The following TAF1 variants were observed in gnomAD, a reference collection of about 807,000 sequenced individuals.
TAF1 encodes the protein transcription initiation factor TFIID subunit 1.
TAF1 carries 2 observed loss-of-function variants against 138.5 expected under a neutral mutation model. The ratio of observed to expected loss-of-function variants is 0.01; its 90% CI spans 0.01 to 0.05. The LOEUF (loss-of-function observed/expected upper bound fraction) is 0.05. Among genes scored for constraint, TAF1 ranks in the 10% least tolerant of loss-of-function variants. The probability of loss-of-function intolerance (pLI) is 1.00; values close to 1 mark genes in which losing one functional copy is unlikely to be tolerated. For synonymous variants in TAF1, 437 were observed against 503.2 expected, an observed-to-expected ratio of 0.87 and a Z score of 1.76; for missense variants, 709 against 1,478.0, an observed-to-expected ratio of 0.48 and a Z score of 8.53.
intron 25 of TAF1, 81 bp from the exon 26 acceptor site, chrX:71,406,556 CT>C (rs766377943): frequency 3.2e-5 from 32 of 1,010,743 alleles, no homozygotes; most frequent in Admixed American, 3.1e-5. Context: ...GTACCTTGGA[CT>C]TTTTTTTAAT....
At chrX:71,405,626 C>T (rs1251209623) in intron 25 of TAF1, among the ~76,000 whole-genome samples, 1 of 112,762 alleles carries the variant, frequency 8.9e-6, no homozygotes, top group Non-Finnish European at 1.9e-5. Flanking sequence ...GCTGAAATTA[C>T]AGGCGTGAGC....
At chrX:71,427,871 A>G (rs754945726) in intron 32 of TAF1, among the ~76,000 whole-genome samples, 4 of 101,868 alleles carry the variant, frequency 3.9e-5, no homozygotes, top group Admixed American at 1.1e-4. Context: ...CCTGGGAGGT[A>G]GAGGTTGCGG....
Position 71,367,532 on chromosome X carries a change from T to C in TAF1, c.154T>C (p.Leu52=), listed in dbSNP as rs766143034. ...GAAGCACTTGGCAGGCTTGGGGGCT[T>C]TGGGGCTGGGCAGCCTGATCACTGA... ...CKKHLAGLGA[L]GLGSLITELT... is the part of the protein sequence containing the mutation. Residue 52 remains leucine (L), a synonymous_variant, in exon 2 of 38, where the codon TTG becomes CTG. Transcript: ENST00000423759. 1 of 1,209,568 alleles carries C rather than the reference T, an allele frequency of 8.3e-7. No individual in the cohort carries two copies. The highest frequency in any genetic ancestry group is 1.1e-6 in the Non-Finnish European group (1 of 895,167).
intron 28 of TAF1, among the ~76,000 whole-genome samples, chrX:71,409,380 C>T (rs1017702345): frequency 1.8e-5 from 2 of 110,683 alleles, no homozygotes; most frequent in Admixed American, 9.7e-5. Flanking sequence ...TTGCCCACCT[C>T]GGCCTCCCAA....
intron 25 of TAF1, among the ~76,000 whole-genome samples, chrX:71,402,242 G>A (rs1001009150): frequency 1.8e-5 from 2 of 111,690 alleles, no homozygotes; most frequent in Non-Finnish European, 3.8e-5. Flanking sequence ...CGAGTAGCTG[G>A]GATTACAGGC....
At chrX:71,472,748 A>G (rs1448945141) in intron 13 of TAF1, among the ~76,000 whole-genome samples, 1 of 111,879 alleles carries the variant, frequency 8.9e-6, no homozygotes, top group African/African-American at 3.2e-5. Flanking sequence ...TAAATAAAAT[A>G]AAATAAAATA....
chrX:71,408,979 A>T (rs749128028), intron 28 of TAF1, among the ~76,000 whole-genome samples: 1 of 105,591 alleles, frequency 9.5e-6, no homozygotes, highest in Non-Finnish European at 1.9e-5. Flanking sequence ...GTGCCACTGC[A>T]CTCCAGTCTG....
chrX:71,495,388 C>G (rs1173803976), intron 13 of TAF1, among the ~76,000 whole-genome samples: 1 of 111,922 alleles, frequency 8.9e-6, no homozygotes, highest in African/African-American at 3.2e-5. Context: ...AGCAAGATGG[C>G]TGTCATGGGA....
chrX:71,379,941 A>C (rs1008657364), intron 8 of TAF1, among the ~76,000 whole-genome samples: 5 of 111,045 alleles, frequency 4.5e-5, no homozygotes, highest in Non-Finnish European at 9.4e-5. Context: ...AGTACTTTAT[A>C]GTATATTTTT....
chrX:71,451,790 G>A (rs1207762479), intron 32 of TAF1, among the ~76,000 whole-genome samples: 1 of 110,697 alleles, frequency 9.0e-6, no homozygotes, highest in African/African-American at 3.3e-5. Flanking sequence ...CACAGGGTTG[G>A]GGGTAAGGTC....
In TAF1 at chrX:71,519,369, A is replaced by G. The variant is rs760833563; in HGVS notation, c.1367-9173A>G. 7.5e-5 allele frequency among the ~76,000 whole-genome samples: 8 copies of G among 107,234 alleles called. No homozygotes were observed. In the South Asian group the frequency reaches 3.3e-3, roughly 45 times the overall value. 93.1% of individuals were successfully genotyped at this position (107,234 alleles called of 115,157 possible). On this transcript the variant is annotated intron_variant and NMD_transcript_variant, in intron 13 of 14. Coordinates refer to the TAF1 transcript ENST00000373775. Reference sequence around the variant, plus strand: ...ATAATTTTTCATTACTCCTAAATGTAGAGTTTGGAACACTCTCTTCAGAAA... The same window carrying G: ...ATAATTTTTCATTACTCCTAAATGTGGAGTTTGGAACACTCTCTTCAGAAA...
intron 33 of TAF1, 146 bp from the exon 34 acceptor site, chrX:71,454,595 C>G (rs764315703): frequency 5.9e-6 from 3 of 511,765 alleles, no homozygotes; most frequent in Non-Finnish European, 9.6e-6. Context: ...CTGTTTCCTT[C>G]CCTGCTTAAT....
At chrX:71,459,163 G>C in intron 35 of TAF1, 2 of 1,073,629 alleles carry the variant, frequency 1.9e-6, no homozygotes, top group Non-Finnish European at 2.5e-6. Flanking sequence ...CGCCAGGGCC[G>C]AGGTAGGCTG....
chrX:71,372,158 G>T (rs1243694234), intron 3 of TAF1, among the ~76,000 whole-genome samples: 1 of 110,973 alleles, frequency 9.0e-6, no homozygotes. Context: ...CAGGCTGGGC[G>T]TGGTGGCTCA....
At position 71,393,084 on chromosome X, in the gene TAF1, G is replaced by T. The variant is rs147308810; in HGVS notation, c.3051+90G>T. 4,167 of 1,113,471 alleles carry T rather than the reference G, an allele frequency of 3.7e-3. 87 individuals carry two copies. The African/African-American group carries it at 0.068, about 18-fold the overall frequency. The allele number at this position is 1,113,471 out of a possible 1,213,427, so 91.8% of individuals were successfully genotyped here. A position where few individuals can be genotyped will look rare whatever the true frequency, so the allele number is the denominator to read the frequency against. ...AGGCAGATGTAAAGAACTATCTGGG[G>T]AACTTTATTGTAGGGTATAGTAAGC... On this transcript the variant is annotated intron_variant, in intron 20 of 37. Coordinates refer to ENST00000423759, the MANE Select transcript of TAF1 (RefSeq NM_004606.5).
intron 24 of TAF1, among the ~76,000 whole-genome samples, chrX:71,399,247 T>C (rs975215941): frequency 9.8e-6 from 1 of 102,413 alleles, no homozygotes; most frequent in African/African-American, 3.6e-5. Context: ...GCTTGTCATT[T>C]ATTCTCTTTT....
At chrX:71,449,881 C>T (rs1188852232) in intron 32 of TAF1, among the ~76,000 whole-genome samples, 2 of 110,408 alleles carry the variant, frequency 1.8e-5, no homozygotes, top group Non-Finnish European at 3.8e-5. Flanking sequence ...CAACCGATCC[C>T]CTCGCCTCAG....
intron 13 of TAF1, among the ~76,000 whole-genome samples, chrX:71,512,280 A>G (rs2039746072): frequency 9.0e-6 from 1 of 111,620 alleles, no homozygotes; most frequent in Non-Finnish European, 1.9e-5. Flanking sequence ...ATGCCACTGC[A>G]CTCCAGCCTG....
chrX:71,457,811 G>T (rs948520329), intron 34 of TAF1, among the ~76,000 whole-genome samples: 1 of 112,323 alleles, frequency 8.9e-6, no homozygotes, highest in African/African-American at 3.2e-5. Context: ...CCTCTGATGG[G>T]CTCATAAACT....
Sources: allele counts gnomAD v4.1 joint callset (sites outside exome capture counted in the v4.1 genomes callset), GRCh38; gene constraint gnomAD v4.1.1; transcripts MANE v1.5; gene names NCBI Gene and HGNC (gene_info 2026-07-23, HGNC 2026-07-21).